Variants in HABP4 observed in about 807,000 individuals in gnomAD.
The protein encoded by HABP4 is hyaluronan binding protein 4, also known as intracellular hyaluronan-binding protein 4.
A neutral mutation model predicts 44.1 loss-of-function variants in HABP4; 32 were observed. The ratio of observed to expected loss-of-function variants is 0.73; its 90% CI spans 0.55 to 0.97. The LOEUF is 0.97. HABP4 is among the 50% of genes least tolerant of loss of function. The probability of loss-of-function intolerance (pLI) is 0.00; values close to 1 mark genes in which losing one functional copy is unlikely to be tolerated. For missense variants in HABP4, 503 were observed against 561.9 expected, an observed-to-expected ratio of 0.90 and a Z score of 1.06; for synonymous variants, 216 against 218.0, an observed-to-expected ratio of 0.99 and a Z score of 0.08.
chr9:96,454,760 T>G (rs191266212), intron 1 of HABP4, among the ~76,000 whole-genome samples: 222 of 152,222 alleles, frequency 1.5e-3, no homozygotes, highest in Non-Finnish European at 2.6e-3. Flanking sequence ...AGTTCTGAAC[T>G]CTTAATAAAG....
intron 4 of HABP4, 87 bp from the exon 5 acceptor site, chr9:96,470,924 A>G: frequency 1.1e-6 from 1 of 881,996 alleles, no homozygotes; most frequent in East Asian, 2.4e-5. Context: ...AAAAAACCAA[A>G]AAAACAATGT....
At chr9:96,483,384 T>C (rs1036582534) in intron 5 of HABP4, 6 of 151,994 alleles carry the variant, frequency 3.9e-5, no homozygotes, top group Non-Finnish European at 7.4e-5. Context: ...TTCTTTTTTT[T>C]TTTTTTAAAG....
intron 2 of HABP4, among the ~76,000 whole-genome samples, chr9:96,463,184 G>A (rs1001333201): frequency 2.6e-5 from 4 of 152,036 alleles, no homozygotes; most frequent in African/African-American, 4.8e-5. Flanking sequence ...GGGCCCAAGC[G>A]ATCCAACTGC....
At position 96,488,225 on chromosome 9, in the gene HABP4, G is replaced by C. The variant is rs765332763; in HGVS notation, c.1136G>C (p.Arg379Pro). Residue 379 changes from arginine (R) to proline (P), a missense_variant, in exon 7 of 8, where the codon CGG (arginine) becomes CCG (proline). This residue lies in a region of HABP4 where 82 missense variants were observed against 71.6 expected (regional missense o/e 1.15). Coordinates refer to ENST00000375249, the MANE Select transcript of HABP4 (RefSeq NM_014282.4). The surrounding 1 kb of genome is among the most constrained non-coding windows in gnomAD (Gnocchi z 4.6). ...GCCAGAGGAGGCACCCGGGGAGGCC[G>C]GGGAAGGATCAGGAGGGCAGAGAAC... ...RGARGGTRGG[R>P]GRIRRAENYG... The C allele has an allele frequency of 3.1e-6, 5 of 1,613,334 alleles. No homozygotes were observed. Among genetic ancestry groups the C allele is most frequent in the Non-Finnish European group, 4.2e-6 (5 of 1,179,364 alleles).
At chr9:96,474,547 CTCTT>C (rs1394534199) in intron 5 of HABP4, among the ~76,000 whole-genome samples, 2 of 152,168 alleles carry the variant, frequency 1.3e-5, no homozygotes, top group African/African-American at 2.4e-5. Flanking sequence ...ATCTTTCTCT[CTCTT>C]TTCTGCTGAC....
intron 1 of HABP4, among the ~76,000 whole-genome samples, chr9:96,453,556 A>G (rs1203738586): frequency 1.3e-5 from 2 of 152,208 alleles, no homozygotes; most frequent in African/African-American, 2.4e-5. Context: ...AGCAATATGT[A>G]TATAAACCCT....
intron 1 of HABP4, among the ~76,000 whole-genome samples, chr9:96,457,538 T>C (rs1173004309): frequency 6.6e-6 from 1 of 152,156 alleles, no homozygotes; most frequent in Admixed American, 6.5e-5. Context: ...GAAAATCTGT[T>C]TTCAAAGTAA....
In HABP4 at chr9:96,465,353, G is replaced by C; in HGVS notation, c.529G>C (p.Asp177His). The change falls in exon 3 of 8, where the codon GAT becomes CAT. Residue 177 changes from aspartate to histidine, a missense_variant. By Grantham distance (81) the Asp-to-His change is moderately conservative. Around this residue, in one of 3 missense-constraint regions of HABP4, gnomAD observed 290 missense variants for 300.5 expected, o/e 0.97. Coordinates refer to ENST00000375249, the MANE Select transcript of HABP4 (RefSeq NM_014282.4). ...CCTTCCTAGACCAGGTGATAGGTTT[G>C]ATCGAGACAGACCGTTGAGAGGACG... ...FPDEKPGDRF[D>H]RDRPLRGRGG... is the part of the protein sequence containing the mutation. The C allele has an allele frequency of 6.2e-7, 1 of 1,609,798 alleles. No homozygotes were observed. The highest frequency in any genetic ancestry group is 8.5e-7 in the Non-Finnish European group (1 of 1,176,152).
Position 96,471,104 on chromosome 9 carries a change from T to C in HABP4, c.827+10T>C, listed in dbSNP as rs199783485. The C allele has an allele frequency of 6.9e-5, 96 of 1,390,040 alleles. No individual in the cohort carries two copies. In the East Asian group the frequency reaches 1.3e-3, roughly 18 times the overall value. The allele number at this position is 1,390,040 out of a possible 1,614,324, so 86.1% of individuals were successfully genotyped here. ...AGGAGTCTCCAGCCAAGTAGGGCAT[T>C]TTGTTCATTCCCCATTGTGGTGTTG... On this transcript the variant is annotated intron_variant, in intron 5 of 7. Transcript: ENST00000375249.
At chr9:96,471,493 T>C (rs1197594138) in intron 5 of HABP4, among the ~76,000 whole-genome samples, 5 of 152,074 alleles carry the variant, frequency 3.3e-5, no homozygotes, top group East Asian at 1.9e-4. Flanking sequence ...CAACCCCTTA[T>C]CCTATCACAG....
intron 4 of HABP4, among the ~76,000 whole-genome samples, chr9:96,469,191 A>C (rs1426337948): frequency 1.3e-5 from 2 of 152,260 alleles, no homozygotes; most frequent in Non-Finnish European, 2.9e-5. Context: ...GCAATAATTT[A>C]AAAAGTGTAT....
chr9:96,489,083 A>G (rs575315915), intron 7 of HABP4, among the ~76,000 whole-genome samples: 7 of 152,208 alleles, frequency 4.6e-5, no homozygotes, highest in South Asian at 2.1e-4. Flanking sequence ...GGTCTTGGCA[A>G]TGCTCCTCCT....
At chr9:96,462,145 CAAAA>C (rs757601268) in intron 2 of HABP4, among the ~76,000 whole-genome samples, 1 of 100,384 alleles carries the variant, frequency 1.0e-5, no homozygotes, top group Non-Finnish European at 2.0e-5. Context: ...GATTCTGTCT[CAAAA>C]AAAAAAAAAA....
rs547368310 is a variant in HABP4, at chr9:96,454,958, A to T, written c.350-3421A>T. ...ATGAGACCTGTCTCTACAAAAAAAA[A>T]TTTTTTTTTTAATTAGCTGGGTGTG... On this transcript the variant is annotated intron_variant, in intron 1 of 7. Transcript: ENST00000375249. 1.7e-4 allele frequency among the ~76,000 whole-genome samples: 26 copies of T among 150,748 alleles called. No individual in the cohort carries two copies. In the South Asian group the frequency reaches 1.9e-3, roughly 11 times the overall value.
Position 96,450,284 on chromosome 9 carries a change from A to G in HABP4, c.5A>G (p.Lys2Arg), listed in dbSNP as rs1452951943. MKGALGSPVAAA... is the reference protein window; with the variant it reads MRGALGSPVAAA... ...GCCCGCAGTGGTCGCGGCGGCATGA[A>G]GGGCGCTCTGGGGAGTCCCGTGGCT... Residue 2 changes from lysine (K) to arginine (R), a missense_variant, in exon 1 of 8, where the codon AAG becomes AGG. Lys to Arg is a conservative substitution (Grantham distance 26, BLOSUM62 2). This residue lies in a region of HABP4 where 290 missense variants were observed against 300.5 expected (regional missense o/e 0.97). Coordinates refer to ENST00000375249, the MANE Select transcript of HABP4 (RefSeq NM_014282.4). This position sits in a 1 kb window ranked among gnomAD's most constrained non-coding sequence, Gnocchi z 4.8. 4 of 1,443,984 alleles carry G rather than the reference A, an allele frequency of 2.8e-6. No individual in the cohort carries two copies. Among genetic ancestry groups the G allele is most frequent in the Non-Finnish European group, 3.7e-6 (4 of 1,088,272 alleles). The allele number at this position is 1,443,984 out of a possible 1,614,324, so 89.4% of individuals were successfully genotyped here. A position where few individuals can be genotyped will look rare whatever the true frequency, so the allele number is the denominator to read the frequency against.
chr9:96,484,925 C>A lies in HABP4; in HGVS notation c.999+292C>A, dbSNP rs565862583. Among the ~76,000 whole-genome samples, 14 of 152,230 alleles carry A rather than the reference C, an allele frequency of 9.2e-5. No individual in the cohort carries two copies. The South Asian group carries it at 2.7e-3, about 29-fold the overall frequency. ...TGTATTAACTGTATTTCATTTTTCTCAAGGGAGAGTTACAGATTGTGTCTT... is the reference window on the plus strand; with the variant it reads ...TGTATTAACTGTATTTCATTTTTCTAAAGGGAGAGTTACAGATTGTGTCTT... On this transcript the variant is annotated intron_variant, in intron 6 of 7. Transcript: ENST00000375249.
At position 96,450,387 on chromosome 9, in the gene HABP4, G is replaced by C; in HGVS notation, c.108G>C (p.Ser36=). The C allele has an allele frequency of 1.4e-6, 2 of 1,398,652 alleles. No homozygotes were observed. Among genetic ancestry groups the C allele is most frequent in the Non-Finnish European group, 9.4e-7 (1 of 1,060,490 alleles). The allele number at this position is 1,398,652 out of a possible 1,614,324, so 86.6% of individuals were successfully genotyped here. A position where few individuals can be genotyped will look rare whatever the true frequency, so the allele number is the denominator to read the frequency against. ...NRFHQLLDDE[S]DPFDILREAE... is the part of the protein sequence containing the mutation. ...TCCATCAGCTGCTGGACGACGAGTC[G>C]GACCCGTTCGACATCCTGCGCGAGG... Residue 36 remains serine, a synonymous_variant, in exon 1 of 8, where the codon TCG becomes TCC. Coordinates refer to ENST00000375249, the MANE Select transcript of HABP4 (RefSeq NM_014282.4). This position sits in a 1 kb window ranked among gnomAD's most constrained non-coding sequence, Gnocchi z 4.8.
chr9:96,470,786 A>G (rs1289156086), intron 4 of HABP4, among the ~76,000 whole-genome samples: 3 of 151,364 alleles, frequency 2.0e-5, no homozygotes, highest in African/African-American at 7.3e-5. Flanking sequence ...AATCCCAGTT[A>G]CTCAGGAGGC....
At chr9:96,483,314 G>A (rs549856850) in intron 5 of HABP4, 1 of 151,508 alleles carries the variant, frequency 6.6e-6, no homozygotes, top group Admixed American at 6.6e-5. Context: ...TGCCTTTTTT[G>A]GGGGGAGGGT....
Sources: gnomAD v4.1 joint callset for allele counts (sites outside exome capture counted in the v4.1 genomes callset) on GRCh38, gnomAD v4.1.1 for gene constraint, gnomAD v4.1.1 regional missense constraint, Gnocchi (gnomAD v3.1) non-coding constraint, MANE v1.5 for transcripts, NCBI Gene and HGNC (gene_info 2026-07-23, HGNC 2026-07-21) for gene names.